SHANK2: variants seen among roughly 807,000 people sequenced by gnomAD.
SHANK2 encodes SH3 and multiple ankyrin repeat domains protein 2.
Under a neutral mutation model 133.7 loss-of-function variants are expected in SHANK2, and 43 were observed. The ratio of observed to expected loss-of-function variants is 0.32; its 90% CI spans 0.25 to 0.41. The LOEUF (loss-of-function observed/expected upper bound fraction) is 0.41, where lower values mean the gene tolerates loss of function less well. SHANK2 is among the 10% of genes least tolerant of loss of function. The probability of loss-of-function intolerance (pLI) is 1.00; values close to 1 mark genes in which losing one functional copy is unlikely to be tolerated. For missense variants in SHANK2, 1,994 were observed against 2,235.8 expected (o/e 0.89, Z 2.18); for synonymous variants, 1,017 against 952.8 (o/e 1.07, Z -1.24).
intron 25 of SHANK2, among the ~76,000 whole-genome samples, chr11:70,476,401 C>CA (rs1212429162): frequency 6.6e-6 from 1 of 152,066 alleles, no homozygotes; most frequent in Non-Finnish European, 1.5e-5. Context: ...TGCAACCCCC[C>CA]CTTCTCTGGT....
intron 17 of SHANK2, among the ~76,000 whole-genome samples, chr11:70,556,096 C>A (rs1231067002): frequency 6.6e-6 from 1 of 152,254 alleles, no homozygotes; most frequent in Admixed American, 6.5e-5. Context: ...GGTGGCTACA[C>A]TGAACAACAG....
chr11:71,147,040 G>T, intron 3 of SHANK2, 80 bp downstream of exon 3: 1 of 1,237,584 alleles, frequency 8.1e-7, no homozygotes, highest in South Asian at 1.5e-5. Context: ...GGTCCGGGGA[G>T]GACCAGAGCA....
intron 11 of SHANK2, among the ~76,000 whole-genome samples, chr11:70,836,630 C>A (rs1948822209): frequency 6.6e-6 from 1 of 152,186 alleles, no homozygotes; most frequent in Admixed American, 6.5e-5. Context: ...GCATTTGGTG[C>A]CAGACTGCAG....
At chr11:70,937,401 C>G (rs377565662) in intron 10 of SHANK2, among the ~76,000 whole-genome samples, 1 of 152,372 alleles carries the variant, frequency 6.6e-6, no homozygotes, top group East Asian at 1.9e-4. Flanking sequence ...CCCAGGACCT[C>G]GCTTCCCTGA....
At chr11:71,091,451 C>T (rs1951518688) in intron 8 of SHANK2, among the ~76,000 whole-genome samples, 1 of 152,174 alleles carries the variant, frequency 6.6e-6, no homozygotes, top group South Asian at 2.1e-4. Flanking sequence ...CAGAGGAGAA[C>T]ACAAGGTAGC....
intron 11 of SHANK2, among the ~76,000 whole-genome samples, chr11:70,879,657 A>G (rs525347): frequency 1 from 152,184 of 152,386 alleles, 75,992 homozygotes; most frequent in Non-Finnish European, 1. Context: ...CCTGACTCCA[A>G]TGCCAGTGGC....
chr11:70,734,048 G>A (rs1946345293), intron 14 of SHANK2, among the ~76,000 whole-genome samples: 1 of 152,156 alleles, frequency 6.6e-6, no homozygotes. Context: ...CTGGGGAGAG[G>A]GGAAGAGTCA....
chr11:70,478,269 A>G (rs1031791406), intron 25 of SHANK2, among the ~76,000 whole-genome samples: 1 of 151,922 alleles, frequency 6.6e-6, no homozygotes, highest in East Asian at 1.9e-4. Flanking sequence ...AGCCTCTGGC[A>G]TAGCTAGAGT....
chr11:71,171,357 C>A (rs1953310299), intron 2 of SHANK2, among the ~76,000 whole-genome samples: 1 of 152,166 alleles, frequency 6.6e-6, no homozygotes, highest in African/African-American at 2.4e-5. Flanking sequence ...TGGCGTAAGT[C>A]ACTCTGAAGC....
chr11:71,097,371 C>T (rs1951635561), intron 6 of SHANK2, among the ~76,000 whole-genome samples: 1 of 152,124 alleles, frequency 6.6e-6, no homozygotes. Flanking sequence ...CCAGTGACTG[C>T]ACTATCACTC....
Position 71,062,169 on chromosome 11 carries a change from T to C in SHANK2, c.1030-5611A>G, listed in dbSNP as rs988655052. ...CAGGGTTTCACCATGTTGCCCAGGC[T>C]GGTCTCCATCTCCTGGGCTCAAGCA... On this transcript the variant is annotated intron_variant, in intron 9 of 25. Coordinates refer to ENST00000601538, the MANE Select transcript of SHANK2 (RefSeq NM_012309.5). Among the ~76,000 whole-genome samples, 303 of 152,208 alleles carry C rather than the reference T, an allele frequency of 2.0e-3. 1 individual carries two copies. The highest frequency in any genetic ancestry group is 6.8e-3 in the African/African-American group (281 of 41,522).
chr11:71,189,820 G>C (rs111946085), intron 2 of SHANK2, among the ~76,000 whole-genome samples: 2,112 of 152,330 alleles, frequency 0.014, 43 homozygotes, highest in African/African-American at 0.047. Context: ...GCTGCCCTTG[G>C]GGGTGAATGA....
At chr11:70,916,924 G>A (rs544998835) in intron 10 of SHANK2, among the ~76,000 whole-genome samples, 128 of 152,324 alleles carry the variant, frequency 8.4e-4, no homozygotes, top group Non-Finnish European at 1.3e-3. Context: ...TAAGCACCAG[G>A]TGCATGTGGG....
intron 1 of SHANK2, among the ~76,000 whole-genome samples, chr11:71,231,133 T>C (rs563365363): frequency 2.6e-5 from 4 of 152,128 alleles, no homozygotes; most frequent in South Asian, 2.1e-4. Context: ...ACACAAACCA[T>C]AGAGTGGGAG....
intron 17 of SHANK2, among the ~76,000 whole-genome samples, chr11:70,565,215 TCATCCATCCATCCATCCATC>T (rs56072142): frequency 6.7e-6 from 1 of 149,008 alleles, no homozygotes; most frequent in African/African-American, 2.5e-5. Context: ...GGAAGCAGTT[TCATCCATCCATCCATCCATC>T]CATCCATCCA....
intron 14 of SHANK2, among the ~76,000 whole-genome samples, chr11:70,780,879 G>C (rs2135109041): frequency 6.6e-6 from 1 of 152,258 alleles, no homozygotes; most frequent in East Asian, 1.9e-4. Context: ...CATTTTCAAA[G>C]ACAGAACTTC....
At chr11:70,541,780 C>T (rs1237211390) in intron 17 of SHANK2, among the ~76,000 whole-genome samples, 7 of 152,248 alleles carry the variant, frequency 4.6e-5, no homozygotes, top group Admixed American at 4.6e-4. Flanking sequence ...GCTATACATC[C>T]TACAAAGCAC....
intron 14 of SHANK2, among the ~76,000 whole-genome samples, chr11:70,765,835 A>C (rs545644773): frequency 6.7e-6 from 1 of 150,300 alleles, no homozygotes; most frequent in Non-Finnish European, 1.5e-5. Flanking sequence ...GCTTCCCAAC[A>C]CTTTTCTTGA....
chr11:71,078,340 G>C (rs1951247919), intron 8 of SHANK2, among the ~76,000 whole-genome samples: 3 of 152,068 alleles, frequency 2.0e-5, no homozygotes, highest in Non-Finnish European at 2.9e-5. Context: ...TAAACAAGAA[G>C]AGAAAGCTTT....
Sources: allele counts gnomAD v4.1 joint callset (sites outside exome capture counted in the v4.1 genomes callset), GRCh38; gene constraint gnomAD v4.1.1; transcripts MANE v1.5; gene names NCBI Gene and HGNC (gene_info 2026-07-23, HGNC 2026-07-21).